Variants in THSD4 observed in about 807,000 individuals in gnomAD.
THSD4 encodes the protein thrombospondin type 1 domain containing 4.
THSD4 carries 69 observed loss-of-function variants against 119.0 expected under a neutral mutation model. The observed-to-expected ratio is 0.58, with a 90% confidence interval of 0.48 to 0.71. The LOEUF (loss-of-function observed/expected upper bound fraction) is 0.71. Ranked by LOEUF, THSD4 falls within the 30% of genes least tolerant of loss-of-function variation. THSD4 has a pLI of 0.00. For missense variants in THSD4, 1,393 were observed against 1,391.1 expected, an observed-to-expected ratio of 1.00 and a Z score of -0.02; for synonymous variants, 524 against 540.4, an observed-to-expected ratio of 0.97 and a Z score of 0.42.
chr15:71,231,492 A>T (rs1386745238), intron 4 of THSD4, among the ~76,000 whole-genome samples: 2 of 152,076 alleles, frequency 1.3e-5, no homozygotes, highest in Non-Finnish European at 2.9e-5. Flanking sequence ...TTGCCTCTTG[A>T]CTTCTGGAAG....
intron 1 of THSD4, among the ~76,000 whole-genome samples, chr15:71,127,607 C>T (rs1438273155): frequency 2.0e-5 from 3 of 152,192 alleles, no homozygotes; most frequent in Non-Finnish European, 1.5e-5. Flanking sequence ...AATAGCCATT[C>T]TGACAGGTGT....
chr15:71,286,356 A>G (rs899224760), intron 6 of THSD4, among the ~76,000 whole-genome samples: 2 of 151,808 alleles, frequency 1.3e-5, no homozygotes, highest in South Asian at 2.1e-4. Flanking sequence ...GTTCCCCTCT[A>G]TGTATCCATG....
intron 7 of THSD4, among the ~76,000 whole-genome samples, chr15:71,549,053 G>A (rs1049728052): frequency 3.9e-5 from 6 of 152,208 alleles, no homozygotes; most frequent in Non-Finnish European, 5.9e-5. Context: ...ATGCAGAGTG[G>A]CAAATGGCTC....
At chr15:71,776,356 T>C (rs750308463) in intron 17 of THSD4, among the ~76,000 whole-genome samples, 1 of 152,168 alleles carries the variant, frequency 6.6e-6, no homozygotes, top group Non-Finnish European at 1.5e-5. Flanking sequence ...CCATTAGATA[T>C]AAAGAATTTT....
intron 7 of THSD4, among the ~76,000 whole-genome samples, chr15:71,497,628 G>A (rs1400669927): frequency 2.0e-5 from 3 of 151,842 alleles, no homozygotes. Flanking sequence ...TTTGTTCAAG[G>A]AGTCCTGTCT....
intron 4 of THSD4, among the ~76,000 whole-genome samples, chr15:71,236,932 T>C (rs62017772): frequency 0.012 from 1,845 of 152,266 alleles, 17 homozygotes; most frequent in Non-Finnish European, 0.02. Context: ...AATGCTTCCG[T>C]TGAATCCTGA....
chr15:71,193,817 C>T (rs1375868282), intron 3 of THSD4, among the ~76,000 whole-genome samples: 1 of 152,190 alleles, frequency 6.6e-6, no homozygotes, highest in Non-Finnish European at 1.5e-5. Context: ...ACACCATTCT[C>T]CTGCCTCAGC....
intron 5 of THSD4, among the ~76,000 whole-genome samples, chr15:71,245,380 A>G (rs796311135): frequency 2.6e-5 from 4 of 152,196 alleles, no homozygotes; most frequent in African/African-American, 9.6e-5. Flanking sequence ...CCACACCCCC[A>G]TGATCTCTTT....
intron 6 of THSD4, among the ~76,000 whole-genome samples, chr15:71,338,989 G>A (rs972760325): frequency 3.9e-5 from 6 of 152,128 alleles, no homozygotes; most frequent in Middle Eastern, 3.2e-3. Flanking sequence ...CAGTGTTTAC[G>A]AGTTAAAAGC....
chr15:71,746,912 G>T lies in THSD4; in HGVS notation c.2111G>T (p.Arg704Leu), dbSNP rs201879533. 2.1e-4 allele frequency: 345 copies of T among 1,613,954 alleles called. 2 individuals carry two copies. The Admixed American group carries it at 5.4e-3, about 25-fold the overall frequency. ...LGMQHRQVLCRQVYANRSLTV... is the reference protein window; with the variant it reads ...LGMQHRQVLCLQVYANRSLTV... ...ATGCAGCACCGCCAGGTTCTGTGCC[G>T]CCAGGTGTACGCCAACCGCAGCCTG... is the stretch of plus-strand genomic sequence containing the variant. The change falls in exon 13 of 18, where the codon CGC becomes CTC. Residue 704 changes from arginine (R) to leucine (L), a missense_variant. By Grantham distance (102) the Arg-to-Leu change is moderately radical (BLOSUM62 -2). Transcript: ENST00000261862.
intron 7 of THSD4, among the ~76,000 whole-genome samples, chr15:71,546,045 T>C (rs1396171176): frequency 2.0e-5 from 3 of 152,200 alleles, no homozygotes; most frequent in Non-Finnish European, 2.9e-5. Context: ...TAGTAGTTAC[T>C]GTGTGCCAGG....
chr15:71,660,516 C>T lies in THSD4; in HGVS notation c.1153-14C>T. The T allele has an allele frequency of 3.1e-6, 5 of 1,613,922 alleles. No individual in the cohort carries two copies. Among genetic ancestry groups the T allele is most frequent in the Non-Finnish European group, 4.2e-6 (5 of 1,179,890 alleles). ...ATACATACTATGAGTCTTTTGTTTT[C>T]TGTCTTTTTGCAGAGCATTGGCTGT... On this transcript the variant is annotated splice_polypyrimidine_tract_variant and intron_variant, in intron 7 of 17. Transcript: ENST00000261862.
chr15:71,491,704 A>AG (rs564264009), intron 7 of THSD4, among the ~76,000 whole-genome samples: 1 of 30,924 alleles, frequency 3.2e-5, no homozygotes, highest in Non-Finnish European at 9.0e-5. Context: ...ACTCCATCTG[A>AG]AAAAAAAAAT....
At chr15:71,389,601 C>T (rs746643225) in intron 6 of THSD4, among the ~76,000 whole-genome samples, 10 of 151,698 alleles carry the variant, frequency 6.6e-5, no homozygotes, top group Admixed American at 2.0e-4. Flanking sequence ...TGAATGTGAG[C>T]GTATTCATAT....
intron 15 of THSD4, among the ~76,000 whole-genome samples, chr15:71,758,817 A>C (rs193282315): frequency 6.6e-6 from 1 of 152,342 alleles, no homozygotes; most frequent in Non-Finnish European, 1.5e-5. Flanking sequence ...TTTAAGTAGC[A>C]TTAAAAACTG....
intron 4 of THSD4, among the ~76,000 whole-genome samples, chr15:71,241,647 G>A (rs2044154094): frequency 6.6e-6 from 1 of 152,162 alleles, no homozygotes; most frequent in African/African-American, 2.4e-5. Context: ...CTTCACATTG[G>A]TAGCTTGATA....
chr15:71,577,625 CTT>C (rs1172823053), intron 7 of THSD4, among the ~76,000 whole-genome samples: 2 of 152,180 alleles, frequency 1.3e-5, no homozygotes, highest in African/African-American at 4.8e-5. Flanking sequence ...GTTACTAAAA[CTT>C]TCACTTGATG....
chr15:71,369,573 C>A (rs1182874612), intron 6 of THSD4, among the ~76,000 whole-genome samples: 3 of 152,074 alleles, frequency 2.0e-5, no homozygotes, highest in African/African-American at 7.2e-5. Context: ...TGTTTATATG[C>A]TGGATTATGT....
chr15:71,328,749 T>A (rs886400872), intron 6 of THSD4, among the ~76,000 whole-genome samples: 1 of 152,212 alleles, frequency 6.6e-6, no homozygotes, highest in South Asian at 2.1e-4. Context: ...CAGCTTTAGC[T>A]GCATGACCCA....
Sources: gnomAD v4.1 joint callset for allele counts (sites outside exome capture counted in the v4.1 genomes callset) on GRCh38, gnomAD v4.1.1 for gene constraint, MANE v1.5 for transcripts, NCBI Gene and HGNC (gene_info 2026-07-23, HGNC 2026-07-21) for gene names.